Variants in TTBK2 observed in about 807,000 individuals in gnomAD.
The protein encoded by TTBK2 is tau tubulin kinase 2.
TTBK2 carries 28 observed loss-of-function variants against 110.8 expected under a neutral mutation model. That is an observed-to-expected ratio of 0.25 (90% confidence interval 0.19 to 0.35). The LOEUF (loss-of-function observed/expected upper bound fraction) is 0.35, where lower values mean the gene tolerates loss of function less well. Among genes scored for constraint, TTBK2 ranks in the 10% least tolerant of loss-of-function variants. The probability of loss-of-function intolerance (pLI) is 1.00; values close to 1 mark genes in which losing one functional copy is unlikely to be tolerated. For synonymous variants in TTBK2, 532 were observed against 527.3 expected (o/e 1.01, Z -0.12); for missense variants, 1,369 against 1,500.3 (o/e 0.91, Z 1.45).
intron 1 of TTBK2, among the ~76,000 whole-genome samples, chr15:42,903,254 T>C (rs1367508065): frequency 6.6e-6 from 1 of 152,168 alleles, no homozygotes; most frequent in East Asian, 1.9e-4. Context: ...AGAATGATGG[T>C]TACCAAGGGC....
rs2061765858 is a variant in TTBK2, at chr15:42,744,151, G to C, written c.*1644C>G. ...CCTCTGGAGTGTTTGAAACTGGAGAGAAATTAAGATTCCACACTATGCTAC... is the reference window on the plus strand; with the variant it reads ...CCTCTGGAGTGTTTGAAACTGGAGACAAATTAAGATTCCACACTATGCTAC... On this transcript the variant is annotated 3_prime_UTR_variant, in exon 15 of 15. Coordinates refer to ENST00000267890, the MANE Select transcript of TTBK2 (RefSeq NM_173500.4). 1 of 152,118 alleles carries C rather than the reference G, an allele frequency of 6.6e-6. No individual in the cohort carries two copies. The highest frequency in any genetic ancestry group is 2.4e-5 in the African/African-American group (1 of 41,434). The allele number at this position is 152,118 out of a possible 1,614,324, so 9.4% of individuals were successfully genotyped here.
At chr15:42,759,176 G>A (rs2061988332) in intron 13 of TTBK2, among the ~76,000 whole-genome samples, 4 of 152,210 alleles carry the variant, frequency 2.6e-5, no homozygotes, top group Admixed American at 2.6e-4. Context: ...TGCACAGCAG[G>A]AAAACTAACC....
chr15:42,763,012 A>C (rs1034525335), intron 13 of TTBK2, among the ~76,000 whole-genome samples: 1 of 147,304 alleles, frequency 6.8e-6, no homozygotes, highest in African/African-American at 2.5e-5. Context: ...TAAAGGATAC[A>C]AAATTACAGC....
At chr15:42,898,697 G>A (rs2141183207) in intron 1 of TTBK2, among the ~76,000 whole-genome samples, 1 of 152,262 alleles carries the variant, frequency 6.6e-6, no homozygotes, top group African/African-American at 2.4e-5. Context: ...ATGTGTAGTA[G>A]GAATGAGATG....
intron 3 of TTBK2, among the ~76,000 whole-genome samples, chr15:42,860,113 A>G (rs1362137194): frequency 6.6e-6 from 1 of 152,168 alleles, no homozygotes; most frequent in African/African-American, 2.4e-5. Flanking sequence ...TATAAAAGAC[A>G]TAACACAACC....
chr15:42,777,015 A>ATAGTG lies in TTBK2; in HGVS notation c.1409+15_1409+16insCACTA. ...TACCTTAGAAGCTTTAAAAAGAAAA[A>ATAGTG]TACACTATTTTATACCAGGTCTCAA... On this transcript the variant is annotated intron_variant, in intron 12 of 14. Coordinates refer to ENST00000267890, the MANE Select transcript of TTBK2 (RefSeq NM_173500.4). 1 of 1,612,704 alleles carries ATAGTG rather than the reference A, an allele frequency of 6.2e-7. No homozygotes were observed. The highest frequency in any genetic ancestry group is 8.5e-7 in the Non-Finnish European group (1 of 1,178,804).
chr15:42,897,581 TA>T (rs1895715733), intron 1 of TTBK2, among the ~76,000 whole-genome samples: 1 of 152,126 alleles, frequency 6.6e-6, no homozygotes, highest in Non-Finnish European at 1.5e-5. Context: ...AAGTCTGGGC[TA>T]AAAGGAAAGG....
intron 3 of TTBK2, among the ~76,000 whole-genome samples, chr15:42,869,476 C>T (rs1446891731): frequency 6.9e-6 from 1 of 144,012 alleles, no homozygotes; most frequent in Non-Finnish European, 1.5e-5. Context: ...AAAAAAACAA[C>T]AAAATAATTT....
Position 42,765,548 on chromosome 15 carries a change from C to T in TTBK2, c.1998+9587G>A, listed in dbSNP as rs564932829. On this transcript the variant is annotated intron_variant, in intron 13 of 14. Coordinates refer to ENST00000267890, the MANE Select transcript of TTBK2 (RefSeq NM_173500.4). ...TGAAGATCAAATTAATGAAATGAAG[C>T]GAGAAGAGAAGTTTAGAGAAAAAAG... Among the ~76,000 whole-genome samples, 180 of 151,944 alleles carry T rather than the reference C, an allele frequency of 1.2e-3. 1 individual carries two copies. In the Middle Eastern group the frequency reaches 0.017, roughly 14 times the overall value.
chr15:42,766,787 T>C (rs544458668), intron 13 of TTBK2, among the ~76,000 whole-genome samples: 1 of 152,284 alleles, frequency 6.6e-6, no homozygotes, highest in South Asian at 2.1e-4. Flanking sequence ...GCAGACCTAA[T>C]AGACATCTAC....
intron 1 of TTBK2, among the ~76,000 whole-genome samples, chr15:42,898,178 A>C (rs565567528): frequency 6.6e-6 from 1 of 152,298 alleles, no homozygotes; most frequent in South Asian, 2.1e-4. Context: ...CAAATGAGTA[A>C]TCAAGGTTCA....
chr15:42,849,421 A>C (rs1424074933), intron 3 of TTBK2, among the ~76,000 whole-genome samples: 1 of 152,150 alleles, frequency 6.6e-6, no homozygotes, highest in Non-Finnish European at 1.5e-5. Flanking sequence ...TTTTAATATA[A>C]TTTTAACATC....
intron 7 of TTBK2, among the ~76,000 whole-genome samples, chr15:42,815,978 T>TATATATATATATATATA (rs1567040652): frequency 9.1e-6 from 1 of 110,486 alleles, no homozygotes; most frequent in African/African-American, 4.3e-5. Flanking sequence ...TATATATATA[T>TATATATATATATATATA]TTGAGACGGA....
intron 4 of TTBK2, among the ~76,000 whole-genome samples, chr15:42,838,304 G>C (rs1893078163): frequency 6.6e-6 from 1 of 152,116 alleles, no homozygotes; most frequent in African/African-American, 2.4e-5. Flanking sequence ...TAGGCAGCAA[G>C]ATCAAGATGA....
intron 1 of TTBK2, among the ~76,000 whole-genome samples, chr15:42,890,016 T>C (rs1459346545): frequency 1.3e-5 from 2 of 152,218 alleles, no homozygotes. Flanking sequence ...TGCACGTATA[T>C]ATCCAGATGG....
chr15:42,849,920 C>G (rs551771998), intron 3 of TTBK2, among the ~76,000 whole-genome samples: 2 of 152,132 alleles, frequency 1.3e-5, no homozygotes, highest in Non-Finnish European at 2.9e-5. Context: ...TTCACTGGGG[C>G]TCCCCTTTTC....
chr15:42,742,737 T>C lies in TTBK2; in HGVS notation c.*3058A>G, dbSNP rs564622924. 1 of 152,350 alleles carries C rather than the reference T, an allele frequency of 6.6e-6. No homozygotes were observed. Among genetic ancestry groups the C allele is most frequent in the East Asian group, 1.9e-4 (1 of 5,190 alleles). 9.4% of individuals were successfully genotyped at this position (152,350 alleles called of 1,614,324 possible). On this transcript the variant is annotated 3_prime_UTR_variant, in exon 15 of 15. Transcript: ENST00000267890. ...AAAGATAATTTTAACTGCTGCCCTA[T>C]ACTACTTTTAGTATAGTTTGGCTTG...
chr15:42,761,583 CAAA>C (rs201258034), intron 13 of TTBK2, among the ~76,000 whole-genome samples: 4 of 104,266 alleles, frequency 3.8e-5, no homozygotes, highest in Non-Finnish European at 4.0e-5. Flanking sequence ...TCTCAACAGC[CAAA>C]AAAAAAAAAA....
At chr15:42,833,247 TAAAAAAAAAAA>T (rs35997543) in intron 4 of TTBK2, among the ~76,000 whole-genome samples, 2 of 74,872 alleles carry the variant, frequency 2.7e-5, no homozygotes, top group Non-Finnish European at 5.4e-5. Flanking sequence ...CCAAATTTTG[TAAAAAAAAAAA>T]AAAAAAAAAA....
Sources: allele counts gnomAD v4.1 joint callset (sites outside exome capture counted in the v4.1 genomes callset), GRCh38; gene constraint gnomAD v4.1.1; transcripts MANE v1.5; gene names NCBI Gene and HGNC (gene_info 2026-07-23, HGNC 2026-07-21).